The following LRP1B variants were observed in gnomAD, a reference collection of about 807,000 sequenced individuals.
LRP1B encodes the protein LDL receptor related protein 1B.
Under a neutral mutation model 556.6 loss-of-function variants are expected in LRP1B, and 217 were observed. The ratio of observed to expected loss-of-function variants is 0.39; its 90% CI spans 0.35 to 0.44. The LOEUF (loss-of-function observed/expected upper bound fraction) is 0.44, where lower values mean the gene tolerates loss of function less well. Among genes scored for constraint, LRP1B ranks in the 20% least tolerant of loss-of-function variants. LRP1B has a pLI of 1.00. For missense variants in LRP1B, 5,053 were observed against 5,620.8 expected (o/e 0.90, Z 3.23); for synonymous variants, 2,047 against 1,865.8 (o/e 1.10, Z -2.50).
At chr2:141,511,201 T>A (rs983199) in intron 2 of LRP1B, among the ~76,000 whole-genome samples, 1 of 152,092 alleles carries the variant, frequency 6.6e-6, no homozygotes, top group South Asian at 2.1e-4. Context: ...TCTTTTCTTA[T>A]TGACTTAATT....
chr2:142,111,128 C>G (rs1009493215), intron 1 of LRP1B, among the ~76,000 whole-genome samples: 1 of 152,138 alleles, frequency 6.6e-6, no homozygotes, highest in African/African-American at 2.4e-5. Context: ...GTGGGCAAAA[C>G]TGGAGATCCA....
At chr2:140,911,876 T>A (rs1264392113) in intron 21 of LRP1B, among the ~76,000 whole-genome samples, 1 of 151,784 alleles carries the variant, frequency 6.6e-6, no homozygotes, top group East Asian at 1.9e-4. Context: ...GATATATCTA[T>A]AAATCAATAT....
intron 46 of LRP1B, among the ~76,000 whole-genome samples, chr2:140,535,828 T>A (rs1371373409): frequency 1.3e-5 from 2 of 152,136 alleles, no homozygotes; most frequent in African/African-American, 4.8e-5. Context: ...GGGTAGATGT[T>A]GACTATCACT....
intron 2 of LRP1B, among the ~76,000 whole-genome samples, chr2:141,755,208 T>G (rs1264482499): frequency 6.6e-6 from 1 of 152,076 alleles, no homozygotes; most frequent in Non-Finnish European, 1.5e-5. Context: ...TAAAACACCA[T>G]AAATTGCTTT....
At chr2:141,903,758 G>A (rs1270341864) in intron 1 of LRP1B, among the ~76,000 whole-genome samples, 3 of 151,812 alleles carry the variant, frequency 2.0e-5, no homozygotes, top group Non-Finnish European at 2.9e-5. Flanking sequence ...TGGGAGTTAG[G>A]AGCCATAAAC....
chr2:140,490,923 C>A (rs1688669855), intron 57 of LRP1B, among the ~76,000 whole-genome samples: 2 of 152,048 alleles, frequency 1.3e-5, no homozygotes, highest in Non-Finnish European at 2.9e-5. Flanking sequence ...AAGAAAGTAT[C>A]CGAAACTCAT....
At chr2:141,771,622 T>C (rs1694902686) in intron 2 of LRP1B, among the ~76,000 whole-genome samples, 1 of 152,166 alleles carries the variant, frequency 6.6e-6, no homozygotes. Flanking sequence ...TTATTCCCTA[T>C]TGCTATGAAC....
At position 140,849,720 on chromosome 2, in the gene LRP1B, GT is replaced by G. The variant is rs1692398084; in HGVS notation, c.4939+381del. On this transcript the variant is annotated intron_variant, in intron 29 of 90. Transcript: ENST00000389484. Reference sequence around the variant, plus strand: ...ACATTTGGCTAATTTTGTATTTTTAGTAGAGACAGGGTTTCACCGTGTTGGT... The same window carrying G: ...ACATTTGGCTAATTTTGTATTTTTAGAGAGACAGGGTTTCACCGTGTTGGT... Among the ~76,000 whole-genome samples the G allele has an allele frequency of 7.2e-5, 11 of 151,954 alleles. No homozygotes were observed. In the South Asian group the frequency reaches 2.3e-3, roughly 32 times the overall value.
chr2:142,069,212 A>G (rs1705222811), intron 1 of LRP1B, among the ~76,000 whole-genome samples: 1 of 151,678 alleles, frequency 6.6e-6, no homozygotes, highest in Admixed American at 6.6e-5. Context: ...TCTAGCCAAA[A>G]TGTGCTGTAA....
At position 141,855,535 on chromosome 2, in the gene LRP1B, T is replaced by G. The variant is rs181924178; in HGVS notation, c.83-45134A>C. Among the ~76,000 whole-genome samples the G allele has an allele frequency of 1.0e-2, 1,522 of 152,218 alleles. 22 individuals are homozygous for G. Among genetic ancestry groups the G allele is most frequent in the Non-Finnish European group, 0.012 (835 of 68,006 alleles). On this transcript the variant is annotated intron_variant, in intron 1 of 90. Transcript: ENST00000389484. ...CATGCTTTAGGTGAGTGATTTTCAG[T>G]GGTGAAAATTCTAAAAACAATAGTT...
chr2:140,314,914 CAAT>C lies in LRP1B; in HGVS notation c.12805+18_12805+20del. ...GGAAAAGTGAAAAAGATGTGAAATACAATGACAATGAAATATTTACCTAGAACT... is the reference window on the plus strand; with the variant it reads ...GGAAAAGTGAAAAAGATGTGAAATACGACAATGAAATATTTACCTAGAACT... On this transcript the variant is annotated intron_variant, in intron 83 of 90. Coordinates refer to ENST00000389484, the MANE Select transcript of LRP1B (RefSeq NM_018557.3). 1 of 1,543,294 alleles carries C rather than the reference CAAT, an allele frequency of 6.5e-7. No individual in the cohort carries two copies. Among genetic ancestry groups the C allele is most frequent in the Non-Finnish European group, 8.8e-7 (1 of 1,142,652 alleles).
chr2:140,276,163 C>T (rs1365777860), intron 84 of LRP1B, among the ~76,000 whole-genome samples: 4 of 151,836 alleles, frequency 2.6e-5, no homozygotes, highest in Non-Finnish European at 5.9e-5. Context: ...CTTCATCCTG[C>T]TATATTGACA....
intron 2 of LRP1B, among the ~76,000 whole-genome samples, chr2:141,598,660 A>G (rs1687609448): frequency 6.6e-6 from 1 of 152,170 alleles, no homozygotes; most frequent in Admixed American, 6.6e-5. Context: ...AATTGCAGAA[A>G]TAATTGACTA....
intron 3 of LRP1B, among the ~76,000 whole-genome samples, chr2:141,405,016 C>T (rs966691097): frequency 3.3e-5 from 5 of 151,598 alleles, no homozygotes; most frequent in East Asian, 1.9e-4. Context: ...GGGGTGAACT[C>T]GGGGCGGCAG....
intron 41 of LRP1B, among the ~76,000 whole-genome samples, chr2:140,657,232 C>A (rs2105332284): frequency 6.6e-6 from 1 of 151,788 alleles, no homozygotes; most frequent in Non-Finnish European, 1.5e-5. Flanking sequence ...TGCTTTATTT[C>A]ATAATTAAAG....
intron 35 of LRP1B, among the ~76,000 whole-genome samples, chr2:140,736,111 T>C: frequency 6.6e-6 from 1 of 151,950 alleles, no homozygotes; most frequent in East Asian, 1.9e-4. Flanking sequence ...TGATCTTCCC[T>C]GATAGATGGT....
chr2:141,958,302 A>T (rs1701316964), intron 1 of LRP1B, among the ~76,000 whole-genome samples: 1 of 152,040 alleles, frequency 6.6e-6, no homozygotes, highest in African/African-American at 2.4e-5. Context: ...GCTATGTAAC[A>T]TCTCTGTGAC....
chr2:141,646,994 C>T (rs1458849741), intron 2 of LRP1B, among the ~76,000 whole-genome samples: 2 of 152,124 alleles, frequency 1.3e-5, no homozygotes, highest in African/African-American at 2.4e-5. Flanking sequence ...TCTTCCTCTT[C>T]TTCCTCCTTG....
At chr2:140,841,584 A>G (rs746884372) in intron 29 of LRP1B, among the ~76,000 whole-genome samples, 1 of 152,216 alleles carries the variant, frequency 6.6e-6, no homozygotes, top group South Asian at 2.1e-4. Context: ...ATTTCAAAAT[A>G]GATAATTAAG....
Sources: gnomAD v4.1 joint callset for allele counts (sites outside exome capture counted in the v4.1 genomes callset) on GRCh38, gnomAD v4.1.1 for gene constraint, MANE v1.5 for transcripts, NCBI Gene and HGNC (gene_info 2026-07-23, HGNC 2026-07-21) for gene names.